POLR3A: variants seen among roughly 807,000 people sequenced by gnomAD.
The protein encoded by POLR3A is RNA polymerase III subunit A.
A neutral mutation model predicts 152.8 loss-of-function variants in POLR3A; 112 were observed. The ratio of observed to expected loss-of-function variants is 0.73; its 90% CI spans 0.63 to 0.86. POLR3A has a LOEUF of 0.86. Ranked by LOEUF, POLR3A falls within the 40% of genes least tolerant of loss-of-function variation. The probability of loss-of-function intolerance (pLI) is 0.00; values close to 1 mark genes in which losing one functional copy is unlikely to be tolerated. For synonymous variants in POLR3A, 615 were observed against 652.1 expected (o/e 0.94, Z 0.87); for missense variants, 1,385 against 1,743.1 (o/e 0.79, Z 3.66).
At chr10:77,998,851 T>G (rs1589309094) in intron 19 of POLR3A, among the ~76,000 whole-genome samples, 1 of 152,196 alleles carries the variant, frequency 6.6e-6, no homozygotes, top group Non-Finnish European at 1.5e-5. Context: ...CACATGCACA[T>G]GTATGTTTAT....
intron 23 of POLR3A, 94 bp downstream of exon 23, chr10:77,985,809 T>A: frequency 1.1e-6 from 1 of 924,606 alleles, no homozygotes. Flanking sequence ...AGTTAACAAG[T>A]GAGCTGGTGC....
chr10:78,028,868 A>G (rs1847662342), intron 1 of POLR3A, among the ~76,000 whole-genome samples: 1 of 151,994 alleles, frequency 6.6e-6, no homozygotes, highest in African/African-American at 2.4e-5. Flanking sequence ...TCTGAAGGCA[A>G]AAGTCCGGAT....
chr10:78,020,573 G>A (rs188212429), intron 8 of POLR3A, among the ~76,000 whole-genome samples: 1 of 151,880 alleles, frequency 6.6e-6, no homozygotes, highest in Non-Finnish European at 1.5e-5. Flanking sequence ...CGGATCACGA[G>A]GTCAGGAGAT....
rs72642271 is a variant in POLR3A, at chr10:77,991,461, G to A, written c.2788-294C>T. 0.1 allele frequency among the ~76,000 whole-genome samples: 15,930 copies of A among 152,160 alleles called. 1,510 individuals are homozygous for A. Among genetic ancestry groups the A allele is most frequent in the African/African-American group, 0.23 (9,692 of 41,478 alleles). The stretch of plus-strand genomic sequence containing the variant: ...CACCAGATTTACATTAAAAATATAA[G>A]CTGTTATTTAAAAAACTCAAACATT... On this transcript the variant is annotated intron_variant, in intron 20 of 30. Transcript: ENST00000372371.
intron 19 of POLR3A, among the ~76,000 whole-genome samples, chr10:77,994,982 C>G: frequency 6.6e-6 from 1 of 152,108 alleles, no homozygotes; most frequent in East Asian, 1.9e-4. Context: ...ACTCTACAAG[C>G]CAGAAGAGAG....
chr10:78,009,675 G>C lies in POLR3A; in HGVS notation c.1771C>G (p.Pro591Ala). Reference sequence around the variant, plus strand: ...TGCTTTCCCGTCCACAGGGTGACAGGCTGAGGGGGGGAGGAAGCCTGAGAG... The same window carrying C: ...TGCTTTCCCGTCCACAGGGTGACAGCCTGAGGGGGGGAGGAAGCCTGAGAG... Reference protein sequence around the residue: ...VRLPPPTILKPVTLWTGKQIF... With the variant: ...VRLPPPTILKAVTLWTGKQIF... The change falls in exon 14 of 31, where the codon CCT becomes GCT. Residue 591 changes from proline (P) to alanine (A), a missense_variant and splice_region_variant. Around this residue, in one of 7 missense-constraint regions of POLR3A, gnomAD observed 188 missense variants for 179.9 expected, o/e 1.04. Coordinates refer to ENST00000372371, the MANE Select transcript of POLR3A (RefSeq NM_007055.4). 6.2e-7 allele frequency: 1 copy of C among 1,614,140 alleles called. No homozygotes were observed. Among genetic ancestry groups the C allele is most frequent in the Middle Eastern group, 1.6e-4 (1 of 6,062 alleles).
Position 77,983,961 on chromosome 10 carries a change from C to G in POLR3A, c.3388G>C (p.Val1130Leu). 6.2e-7 allele frequency: 1 copy of G among 1,612,770 alleles called. No individual in the cohort carries two copies. The highest frequency in any genetic ancestry group is 8.5e-7 in the Non-Finnish European group (1 of 1,178,866). The change falls in exon 26 of 31, where the codon GTC becomes CTC. Residue 1130 changes from valine (V) to leucine (L), a missense_variant. Val to Leu is a conservative substitution (Grantham distance 32, BLOSUM62 1). Transcript: ENST00000372371. ...CTAATCCGTTCCAGGGAGAGCTTGA[C>G]GAGAATAAAGCAGTCATCAGGAAGA... ...VFLPDDCFIL[V>L]KLSLERIRLL...
chr10:78,023,316 C>T (rs1259650141), intron 5 of POLR3A, among the ~76,000 whole-genome samples: 3 of 150,626 alleles, frequency 2.0e-5, no homozygotes, highest in African/African-American at 4.9e-5. Context: ...AAAAATTAGC[C>T]GGGCATGGTG....
Position 77,980,267 on chromosome 10 carries a change from C to T in POLR3A, c.3898G>A (p.Val1300Ile). 1 of 1,614,090 alleles carries T rather than the reference C, an allele frequency of 6.2e-7. No homozygotes were observed. The highest frequency in any genetic ancestry group is 8.5e-7 in the Non-Finnish European group (1 of 1,179,988). Residue 1300 changes from valine (V) to isoleucine (I), a missense_variant, in exon 30 of 31, where the codon GTC (valine) becomes ATC (isoleucine). Around this residue, in one of 7 missense-constraint regions of POLR3A, gnomAD observed 332 missense variants for 400.1 expected, o/e 0.83. Transcript: ENST00000372371. ...AGGCCAAACCTAGTGATGCCCAGGA[C>T]TTCACCCTGCGTCAAGGGAGAAAGA... ...LSDLMTYKGE[V>I]LGITRFGLAK... is the part of the protein sequence containing the mutation.
At chr10:78,022,105 GAT>G in intron 6 of POLR3A, 38 bp downstream of exon 6, 1 of 1,614,078 alleles carries the variant, frequency 6.2e-7, no homozygotes, top group Non-Finnish European at 8.5e-7. Context: ...TTTTTGGATA[GAT>G]ATACTATGAA....
intron 30 of POLR3A, among the ~76,000 whole-genome samples, chr10:77,979,560 G>A (rs1000761454): frequency 2.0e-5 from 3 of 152,218 alleles, no homozygotes; most frequent in Admixed American, 6.5e-5. Context: ...ATGTTTTGTC[G>A]AGTGGCGGGG....
chr10:78,025,049 G>A lies in POLR3A; in HGVS notation c.412C>T (p.Gln138Ter). The A allele has an allele frequency of 6.2e-7, 1 of 1,614,174 alleles. No homozygotes were observed. The change falls in exon 4 of 31, where the codon CAG (glutamine) becomes TAG (stop). Residue 138 changes from glutamine to a stop codon, truncating the protein, a stop_gained. Transcript: ENST00000372371. LOFTEE classifies it high-confidence loss of function. ...YLKRPGLTYL[Q>*]KRGLKKKISD... ...ATTTTCTTTTTCAGTCCTCGCTTCT[G>A]AAGGTAGGTCAGGCCGGGCCTCTTT...
At chr10:78,029,309 C>T in intron 1 of POLR3A, 55 bp downstream of exon 1, 1 of 1,585,600 alleles carries the variant, frequency 6.3e-7, no homozygotes, top group Non-Finnish European at 8.7e-7. Flanking sequence ...GGACCGCTGA[C>T]CTCGGACCCC....
chr10:78,012,656 C>T (rs574917423), intron 11 of POLR3A, among the ~76,000 whole-genome samples: 8 of 151,608 alleles, frequency 5.3e-5, no homozygotes, highest in Non-Finnish European at 8.8e-5. Context: ...CCTACACAGC[C>T]GGTGCCATGT....
rs763270865 is a variant in POLR3A, at chr10:77,983,942, C to T, written c.3407G>A (p.Arg1136Gln). 8 of 1,609,780 alleles carry T rather than the reference C, an allele frequency of 5.0e-6. No homozygotes were observed. The highest frequency in any genetic ancestry group is 1.6e-4 in the Middle Eastern group (1 of 6,074). The change falls in exon 26 of 31, where the codon CGG becomes CAG. Residue 1136 changes from arginine (R) to glutamine (Q), a missense_variant. Physicochemically the swap from Arg to Gln is conservative, Grantham distance 43. Coordinates refer to ENST00000372371, the MANE Select transcript of POLR3A (RefSeq NM_007055.4). The stretch of plus-strand genomic sequence containing the variant: ...CACTTCCAGTCTCAGAAGCCTAATC[C>T]GTTCCAGGGAGAGCTTGACGAGAAT... ...CFILVKLSLE[R>Q]IRLLRLEVNA...
chr10:77,982,098 A>G (rs2069097162), intron 28 of POLR3A, 56 bp downstream of exon 28: 4 of 1,218,282 alleles, frequency 3.3e-6, no homozygotes, highest in Admixed American at 3.4e-5. Context: ...GAAGGCCTGC[A>G]GATGGCACAA....
At chr10:78,008,982 G>A (rs1247740993) in intron 14 of POLR3A, among the ~76,000 whole-genome samples, 3 of 151,404 alleles carry the variant, frequency 2.0e-5, no homozygotes, top group African/African-American at 7.3e-5. Flanking sequence ...GTGAAACCCC[G>A]TCTCTACTAA....
At chr10:77,994,043 T>G (rs1172851850) in intron 19 of POLR3A, among the ~76,000 whole-genome samples, 1 of 152,110 alleles carries the variant, frequency 6.6e-6, no homozygotes, top group African/African-American at 2.4e-5. Context: ...AAAGTCATAC[T>G]CTCTAATTCA....
chr10:78,015,437 C>T (rs1407668187), intron 10 of POLR3A, among the ~76,000 whole-genome samples: 1 of 151,180 alleles, frequency 6.6e-6, no homozygotes, highest in Admixed American at 6.6e-5. Context: ...AAGCAATTCT[C>T]CTGCCTCAGC....
Sources: allele counts gnomAD v4.1 joint callset (sites outside exome capture counted in the v4.1 genomes callset), GRCh38; gene constraint gnomAD v4.1.1; regional missense constraint gnomAD v4.1.1; transcripts MANE v1.5; gene names NCBI Gene and HGNC (gene_info 2026-07-23, HGNC 2026-07-21).